Variants in PCDHGA3 observed in about 807,000 individuals in gnomAD.
The protein encoded by PCDHGA3 is protocadherin gamma subfamily A, 3.
Under a neutral mutation model 58.5 loss-of-function variants are expected in PCDHGA3, and 40 were observed. That is an observed-to-expected ratio of 0.68 (90% confidence interval 0.53 to 0.89). The LOEUF (loss-of-function observed/expected upper bound fraction) is 0.89, where lower values mean the gene tolerates loss of function less well. Among genes scored for constraint, PCDHGA3 ranks in the 40% least tolerant of loss-of-function variants. PCDHGA3 has a pLI of 0.00. For synonymous variants in PCDHGA3, 530 were observed against 525.7 expected, an observed-to-expected ratio of 1.01 and a Z score of -0.11; for missense variants, 1,223 against 1,195.9, an observed-to-expected ratio of 1.02 and a Z score of -0.33.
intron 1 of PCDHGA3, chr5:141,362,040 G>A (rs760170186): frequency 3.1e-6 from 5 of 1,610,444 alleles, no homozygotes; most frequent in Non-Finnish European, 3.4e-6. Flanking sequence ...TGGGCGACAG[G>A]GACGCGGCCC....
chr5:141,383,308 G>A, intron 1 of PCDHGA3: 1 of 1,613,976 alleles, frequency 6.2e-7, no homozygotes, highest in Non-Finnish European at 8.5e-7. Context: ...CTTGACGGAA[G>A]AAATAAATGT....
chr5:141,489,893 G>A lies in PCDHGA3; in HGVS notation c.2425-4914G>A. ...CTGGTGCTTACTGCTGTGGATGGGG[G>A]GACCCCAGCCCGCTCAGGGACCACC... On this transcript the variant is annotated intron_variant, in intron 1 of 3. Transcript: ENST00000253812. This position sits in a 1 kb window ranked among gnomAD's most constrained non-coding sequence, Gnocchi z 4.5. 6.2e-7 allele frequency: 1 copy of A among 1,614,190 alleles called. No individual in the cohort carries two copies. Among genetic ancestry groups the A allele is most frequent in the South Asian group, 1.1e-5 (1 of 91,084 alleles).
In PCDHGA3 at chr5:141,502,614, T is replaced by C. The variant is rs534996288; in HGVS notation, c.2484-2779T>C. Among the ~76,000 whole-genome samples the C allele has an allele frequency of 7.2e-5, 11 of 152,316 alleles. No homozygotes were observed. In the East Asian group the frequency reaches 1.7e-3, roughly 24 times the overall value. ...AGATATTTTAAAATATTTGTGAAAATATAAGTAATCTGTGGATGATACTTT... is the reference window on the plus strand; with the variant it reads ...AGATATTTTAAAATATTTGTGAAAACATAAGTAATCTGTGGATGATACTTT... On this transcript the variant is annotated intron_variant, in intron 2 of 3. Transcript: ENST00000253812.
rs1424221139 is a variant in PCDHGA3, at chr5:141,491,867, T to G, written c.2425-2940T>G. On this transcript the variant is annotated intron_variant, in intron 1 of 3. Coordinates refer to ENST00000253812, the MANE Select transcript of PCDHGA3 (RefSeq NM_018916.4). The surrounding 1 kb of genome is among the most constrained non-coding windows in gnomAD (Gnocchi z 6.9). ...TTGGACCGTTTGCGCGAAACCAGAG[T>G]GGCCGATTAAGGGATGGGGCTCCGA... 2 of 1,452,218 alleles carry G rather than the reference T, an allele frequency of 1.4e-6. No homozygotes were observed. The highest frequency in any genetic ancestry group is 1.8e-6 in the Non-Finnish European group (2 of 1,099,056). 90.0% of individuals were successfully genotyped at this position (1,452,218 alleles called of 1,614,324 possible).
chr5:141,365,810 G>A, intron 1 of PCDHGA3: 1 of 1,613,920 alleles, frequency 6.2e-7, no homozygotes, highest in East Asian at 2.2e-5. Flanking sequence ...CCTGGCTGAA[G>A]ACACATTTCA....
At chr5:141,423,836 GATA>G (rs752488755) in intron 1 of PCDHGA3, 23 of 1,275,246 alleles carry the variant, frequency 1.8e-5, no homozygotes, top group Non-Finnish European at 2.1e-5. Context: ...ATGAGATTAC[GATA>G]ATCTTTCAGA....
chr5:141,401,613 G>A (rs906957282), intron 1 of PCDHGA3, among the ~76,000 whole-genome samples: 1 of 152,162 alleles, frequency 6.6e-6, no homozygotes, highest in Admixed American at 6.5e-5. Flanking sequence ...AAAAGACACC[G>A]GATTTGTCTT....
intron 2 of PCDHGA3, among the ~76,000 whole-genome samples, chr5:141,498,889 C>T (rs1415870992): frequency 3.4e-5 from 5 of 146,174 alleles, no homozygotes; most frequent in African/African-American, 1.3e-4. Flanking sequence ...GCTGAGATCA[C>T]ACCACTGCAC....
chr5:141,384,071 C>T, intron 1 of PCDHGA3: 1 of 1,603,192 alleles, frequency 6.2e-7, no homozygotes, highest in Non-Finnish European at 8.5e-7. Context: ...GAAAACCTAC[C>T]TTTTAAATTA....
At chr5:141,417,456 G>A (rs1354162154) in intron 1 of PCDHGA3, 1 of 177,626 alleles carries the variant, frequency 5.6e-6, no homozygotes, top group Non-Finnish European at 1.2e-5. Context: ...TTATGACCAA[G>A]TGGAAATATA....
At position 141,489,733 on chromosome 5, in the gene PCDHGA3, A is replaced by C; in HGVS notation, c.2425-5074A>C. ...TGCCCAGGATCCGGATGTGGGCACC[A>C]ATACTGTGAGCTTTTACACTCTAAG... On this transcript the variant is annotated intron_variant, in intron 1 of 3. Coordinates refer to ENST00000253812, the MANE Select transcript of PCDHGA3 (RefSeq NM_018916.4). This position sits in a 1 kb window ranked among gnomAD's most constrained non-coding sequence, Gnocchi z 4.5. 1 of 1,614,168 alleles carries C rather than the reference A, an allele frequency of 6.2e-7. No individual in the cohort carries two copies. The highest frequency in any genetic ancestry group is 1.1e-5 in the South Asian group (1 of 91,078).
intron 1 of PCDHGA3, chr5:141,352,348 A>G (rs776268889): frequency 1.2e-6 from 2 of 1,613,802 alleles, no homozygotes; most frequent in Admixed American, 3.3e-5. Flanking sequence ...CCTTGATCTC[A>G]GTGCTCTTTC....
chr5:141,350,074 A>T (rs1177686169), intron 1 of PCDHGA3: 1 of 430,176 alleles, frequency 2.3e-6, no homozygotes, highest in Admixed American at 4.0e-5. Flanking sequence ...AGGCTTCTCA[A>T]TTCTGCAGGA....
At chr5:141,399,230 A>G (rs764321114) in intron 1 of PCDHGA3, 2 of 1,614,002 alleles carry the variant, frequency 1.2e-6, no homozygotes, top group Non-Finnish European at 1.7e-6. Context: ...ATCAAAATAC[A>G]TGACCAAGAT....
rs760591099 is a variant in PCDHGA3 at position 141,345,468 on chromosome 5, C to A, written c.1435C>A (p.Pro479Thr). 1 of 1,614,138 alleles carries A rather than the reference C, an allele frequency of 6.2e-7. No homozygotes were observed. Among genetic ancestry groups the A allele is most frequent in the East Asian group, 2.2e-5 (1 of 44,876 alleles). ...ASIFSVTAQDPDSNNNARITY... is the reference protein window; with the variant it reads ...ASIFSVTAQDTDSNNNARITY... ...CATCTTCTCAGTGACAGCCCAGGAC[C>A]CAGATAGCAACAACAACGCCCGCAT... Residue 479 changes from proline (P) to threonine (T), a missense_variant, in exon 1 of 4, where the codon CCA (proline) becomes ACA (threonine). Physicochemically the swap from Pro to Thr is conservative, Grantham distance 38 (BLOSUM62 -1). Coordinates refer to ENST00000253812, the MANE Select transcript of PCDHGA3 (RefSeq NM_018916.4).
At chr5:141,468,744 T>G (rs113912306) in intron 1 of PCDHGA3, among the ~76,000 whole-genome samples, 5,602 of 152,138 alleles carry the variant, frequency 0.037, 142 homozygotes, top group South Asian at 0.077. Flanking sequence ...CGGGTGCCTG[T>G]AGTCCCAGCT....
At chr5:141,384,244 C>T in intron 1 of PCDHGA3, 1 of 1,613,828 alleles carries the variant, frequency 6.2e-7, no homozygotes, top group Middle Eastern at 1.6e-4. Flanking sequence ...CAACGATAAC[C>T]CACCCACCTT....
chr5:141,457,694 C>T (rs891323419), intron 1 of PCDHGA3, among the ~76,000 whole-genome samples: 4 of 152,214 alleles, frequency 2.6e-5, no homozygotes, highest in Non-Finnish European at 5.9e-5. Context: ...TTTGGATTGG[C>T]TTTGATGAAA....
rs569220332 is a variant in PCDHGA3, at chr5:141,475,688, A to G, written c.2425-19119A>G. 2.0e-5 allele frequency among the ~76,000 whole-genome samples: 3 copies of G among 152,330 alleles called. No homozygotes were observed. In the South Asian group the frequency reaches 6.2e-4, roughly 32 times the overall value. On this transcript the variant is annotated intron_variant, in intron 1 of 3. Coordinates refer to ENST00000253812, the MANE Select transcript of PCDHGA3 (RefSeq NM_018916.4). ...TTTAATGAGTCTTGATTTGGATTGG[A>G]GACTTGCAGAACGGCTAGCCTCACA...
Sources: allele counts gnomAD v4.1 joint callset (sites outside exome capture counted in the v4.1 genomes callset), GRCh38; gene constraint gnomAD v4.1.1; non-coding constraint Gnocchi (gnomAD v3.1); transcripts MANE v1.5; gene names NCBI Gene and HGNC (gene_info 2026-07-23, HGNC 2026-07-21).